LIMS1: variants seen among roughly 807,000 people sequenced by gnomAD.
The protein encoded by LIMS1 is LIM zinc finger domain containing 1.
LIMS1 carries 18 observed loss-of-function variants against 44.1 expected under a neutral mutation model. The observed-to-expected ratio is 0.41, with a 90% CI of 0.28 to 0.61. The LOEUF (loss-of-function observed/expected upper bound fraction) is 0.61. Ranked by LOEUF, LIMS1 falls within the 20% of genes least tolerant of loss-of-function variation. The probability of loss-of-function intolerance (pLI) is 0.32; values close to 1 mark genes in which losing one functional copy is unlikely to be tolerated. For synonymous variants in LIMS1, 93 were observed against 149.1 expected (o/e 0.62, Z 2.74); for missense variants, 201 against 422.0 (o/e 0.48, Z 4.59).
At chr2:108,601,133 C>T (rs949201803) in intron 1 of LIMS1, among the ~76,000 whole-genome samples, 1 of 152,158 alleles carries the variant, frequency 6.6e-6, no homozygotes, top group African/African-American at 2.4e-5. Flanking sequence ...AAGAAAAACA[C>T]ACACACAATA....
chr2:108,629,983 A>C (rs1688803976), intron 1 of LIMS1, among the ~76,000 whole-genome samples: 1 of 152,220 alleles, frequency 6.6e-6, no homozygotes, highest in South Asian at 2.1e-4. Flanking sequence ...ACTTGAGTCC[A>C]GGAGTTCAAG....
At chr2:108,568,921 T>A (rs1685386983) in intron 1 of LIMS1, among the ~76,000 whole-genome samples, 1 of 152,178 alleles carries the variant, frequency 6.6e-6, no homozygotes. Context: ...AGATGGAGTC[T>A]CACTCTGTTG....
intron 1 of LIMS1, among the ~76,000 whole-genome samples, chr2:108,551,352 T>TGTATTATGTATTATATATTTATATATAAC (rs1684684835): frequency 6.8e-6 from 1 of 147,058 alleles, no homozygotes; most frequent in African/African-American, 2.5e-5. Flanking sequence ...AAATATATAA[T>TGTATTATGTATTATATATTTATATATAAC]GTATTATGTA....
intron 1 of LIMS1, among the ~76,000 whole-genome samples, chr2:108,538,794 AC>A (rs1336355503): frequency 6.6e-6 from 1 of 152,224 alleles, no homozygotes; most frequent in African/African-American, 2.4e-5. Flanking sequence ...TTGCTGTGCA[AC>A]CATCACTACC....
Position 108,611,836 on chromosome 2 carries a change from A to AATATATATATATATAT in LIMS1, c.33-47765_33-47750dup, listed in dbSNP as rs138970063. Among the ~76,000 whole-genome samples the AATATATATATATATAT allele has an allele frequency of 6.5e-3, 852 of 130,908 alleles. 9 individuals carry two copies. The highest frequency in any genetic ancestry group is 0.027 in the East Asian group (112 of 4,150). 85.9% of individuals were successfully genotyped at this position (130,908 alleles called of 152,430 possible). A position where few individuals can be genotyped will look rare whatever the true frequency, so the allele number is the denominator to read the frequency against. On this transcript the variant is annotated intron_variant, in intron 1 of 9. Transcript: ENST00000544547. ...GAAGTTGCTGTGAACCATGATCTAA[A>AATATATATATATATAT]ATATATATATATATATATACACACA...
chr2:108,652,202 T>A (rs1429217339), intron 1 of LIMS1, among the ~76,000 whole-genome samples: 24 of 152,088 alleles, frequency 1.6e-4, no homozygotes, highest in African/African-American at 5.8e-4. Context: ...AATTTTACTG[T>A]TGGGCATTTA....
intron 1 of LIMS1, among the ~76,000 whole-genome samples, chr2:108,611,850 TATATACACAC>T (rs1558808685): frequency 2.1e-5 from 3 of 141,648 alleles, no homozygotes; most frequent in Non-Finnish European, 3.0e-5. Context: ...TATATATATA[TATATACACAC>T]ATATATATAC....
At chr2:108,577,949 G>A (rs370795668) in intron 1 of LIMS1, among the ~76,000 whole-genome samples, 12 of 152,168 alleles carry the variant, frequency 7.9e-5, no homozygotes, top group African/African-American at 2.6e-4. Flanking sequence ...TTGTTCTGTC[G>A]CCCGATCTAG....
intron 2 of LIMS1, among the ~76,000 whole-genome samples, chr2:108,665,423 C>G (rs1378526363): frequency 1.3e-5 from 2 of 152,106 alleles, no homozygotes; most frequent in African/African-American, 4.8e-5. Flanking sequence ...TATATATGGT[C>G]CATTGTTGAC....
intron 5 of LIMS1, 169 bp downstream of exon 5, chr2:108,673,198 C>T: frequency 2.8e-6 from 3 of 1,071,436 alleles, no homozygotes; most frequent in Non-Finnish European, 4.0e-6. Flanking sequence ...CCTGTATACA[C>T]TTAATTTCGT....
At chr2:108,642,349 T>TG (rs1489599383) in intron 1 of LIMS1, among the ~76,000 whole-genome samples, 2 of 8,362 alleles carry the variant, frequency 2.4e-4, no homozygotes, top group Admixed American at 2.1e-3. Flanking sequence ...TTTGTTTTTT[T>TG]TTTTTTTTGT....
At chr2:108,589,435 C>A (rs919147025) in intron 1 of LIMS1, among the ~76,000 whole-genome samples, 1 of 152,128 alleles carries the variant, frequency 6.6e-6, no homozygotes, top group Admixed American at 6.5e-5. Flanking sequence ...CCAGAACTTA[C>A]TCTTCCTAAT....
At chr2:108,577,984 A>G (rs1005721544) in intron 1 of LIMS1, among the ~76,000 whole-genome samples, 1 of 152,158 alleles carries the variant, frequency 6.6e-6, no homozygotes, top group African/African-American at 2.4e-5. Context: ...GTCTCGGCTC[A>G]CTGCAACCTT....
At chr2:108,534,798 C>A (rs1204640010) in intron 1 of LIMS1, among the ~76,000 whole-genome samples, 1 of 151,882 alleles carries the variant, frequency 6.6e-6, no homozygotes, top group Non-Finnish European at 1.5e-5. Context: ...GCTGTTCACT[C>A]CCGGGTGTCC....
chr2:108,621,544 G>C, intron 1 of LIMS1: 1 of 961,726 alleles, frequency 1.0e-6, no homozygotes, highest in East Asian at 2.6e-5. Flanking sequence ...AGTGGATGCA[G>C]CGTTGGGAAG....
At position 108,678,129 on chromosome 2, in the gene LIMS1, G is replaced by A. The variant is rs545646455; in HGVS notation, c.823+102G>A. On this transcript the variant is annotated intron_variant, in intron 8 of 9. Transcript: ENST00000544547. ...TGATTGTATGGTTTGAAATGTGATCGTTATCAGTTACTTTTTCTCTATCTT... is the reference window on the plus strand; with the variant it reads ...TGATTGTATGGTTTGAAATGTGATCATTATCAGTTACTTTTTCTCTATCTT... 8.6e-4 allele frequency: 1,331 copies of A among 1,550,754 alleles called. 1 individual carries two copies. The highest frequency in any genetic ancestry group is 9.3e-4 in the Non-Finnish European group (1,070 of 1,148,702).
intron 1 of LIMS1, among the ~76,000 whole-genome samples, chr2:108,572,885 C>T (rs1685531681): frequency 6.6e-6 from 1 of 152,200 alleles, no homozygotes; most frequent in Non-Finnish European, 1.5e-5. Flanking sequence ...CCAGGTCTCT[C>T]TTGTCCTAGA....
intron 1 of LIMS1, among the ~76,000 whole-genome samples, chr2:108,640,348 A>T (rs886344714): frequency 6.6e-6 from 1 of 152,204 alleles, no homozygotes; most frequent in Non-Finnish European, 1.5e-5. Flanking sequence ...GGTGCTTCTT[A>T]AGAAACAAGC....
chr2:108,656,114 A>G (rs1323998635), intron 1 of LIMS1, among the ~76,000 whole-genome samples: 1 of 128,440 alleles, frequency 7.8e-6, no homozygotes, highest in Non-Finnish European at 1.6e-5. Flanking sequence ...ACAGTAACCA[A>G]TATTTTGACT....
Sources: allele counts gnomAD v4.1 joint callset (sites outside exome capture counted in the v4.1 genomes callset), GRCh38; gene constraint gnomAD v4.1.1; transcripts MANE v1.5; gene names NCBI Gene and HGNC (gene_info 2026-07-23, HGNC 2026-07-21).